Variants in LEF1 observed in about 807,000 individuals in gnomAD.
LEF1 encodes lymphoid enhancer binding factor 1, also known as lymphoid enhancer-binding factor 1.
In LEF1, 14 loss-of-function variants were observed where a neutral mutation model predicts 51.2. The ratio of observed to expected loss-of-function variants is 0.27; its 90% CI spans 0.18 to 0.43. The LOEUF (loss-of-function observed/expected upper bound fraction) is 0.43. LEF1 is among the 20% of genes least tolerant of loss of function. The probability of loss-of-function intolerance (pLI) is 1.00; values close to 1 mark genes in which losing one functional copy is unlikely to be tolerated. For synonymous variants in LEF1, 185 were observed against 183.2 expected (o/e 1.01, Z -0.08); for missense variants, 386 against 512.0 (o/e 0.75, Z 2.37).
At chr4:108,055,902 C>A (rs1737275773) in intron 11 of LEF1, among the ~76,000 whole-genome samples, 1 of 152,206 alleles carries the variant, frequency 6.6e-6, no homozygotes, top group African/African-American at 2.4e-5. Flanking sequence ...ATGAACCCAA[C>A]CCAATTTCTT....
At chr4:108,128,133 G>A (rs1742660864) in intron 3 of LEF1, among the ~76,000 whole-genome samples, 1 of 152,114 alleles carries the variant, frequency 6.6e-6, no homozygotes, top group Non-Finnish European at 1.5e-5. Context: ...CCATTCTCAG[G>A]AGAGAATGGC....
In LEF1 at chr4:108,093,987, G is replaced by A. The variant is rs933985555; in HGVS notation, c.415-4730C>T. Among the ~76,000 whole-genome samples the A allele has an allele frequency of 1.7e-4, 26 of 152,238 alleles. 1 individual carries two copies. The highest frequency in any genetic ancestry group is 5.2e-4 in the Admixed American group (8 of 15,288). On this transcript the variant is annotated intron_variant, in intron 3 of 11. Coordinates refer to ENST00000265165, the MANE Select transcript of LEF1 (RefSeq NM_016269.5). ...TTATTATCCCCCTTTTACAGATGAG[G>A]AAACAGGCATGGAGAAGAAAATATT... is the stretch of plus-strand genomic sequence containing the variant.
chr4:108,099,532 A>ATG (rs1348927211), intron 3 of LEF1, among the ~76,000 whole-genome samples: 1 of 88,666 alleles, frequency 1.1e-5, no homozygotes, highest in Non-Finnish European at 2.4e-5. Flanking sequence ...ATATATATAT[A>ATG]TATGTGTATA....
Position 108,070,693 on chromosome 4 carries a change from A to C in LEF1, c.1086T>G (p.Leu362=). ...TGTCTCTTGCAGACCAGCCTGGATA[A>C]AGCTGCATATGTAGCTGTCTTTCTT... is the stretch of plus-strand genomic sequence containing the variant. ...ARKERQLHMQ[L]YPGWSARDNY... The change falls in exon 9 of 12, where the codon CTT becomes CTG. Residue 362 remains leucine (L), a synonymous_variant. Transcript: ENST00000265165. The C allele has an allele frequency of 6.2e-7, 1 of 1,613,894 alleles. No individual in the cohort carries two copies. The highest frequency in any genetic ancestry group is 2.2e-5 in the East Asian group (1 of 44,874).
chr4:108,090,797 T>C (rs528050321), intron 3 of LEF1, among the ~76,000 whole-genome samples: 3 of 152,288 alleles, frequency 2.0e-5, no homozygotes, highest in Admixed American at 6.5e-5. Flanking sequence ...ATTCCTTCTA[T>C]CTAACCGTAT....
chr4:108,073,363 T>A (rs1738622882), intron 8 of LEF1, among the ~76,000 whole-genome samples: 1 of 152,068 alleles, frequency 6.6e-6, no homozygotes, highest in Admixed American at 6.5e-5. Flanking sequence ...CCAGCCTGGG[T>A]GATAGAGCAA....
intron 3 of LEF1, among the ~76,000 whole-genome samples, chr4:108,149,038 G>A (rs187247111): frequency 6.6e-6 from 1 of 152,294 alleles, no homozygotes; most frequent in East Asian, 1.9e-4. Flanking sequence ...TAAAGAAACA[G>A]ATACATGATG....
At chr4:108,148,380 T>C (rs1299506151) in intron 3 of LEF1, among the ~76,000 whole-genome samples, 1 of 152,036 alleles carries the variant, frequency 6.6e-6, no homozygotes, top group East Asian at 1.9e-4. Context: ...ATGCTTCAAA[T>C]GGGCCACATG....
At position 108,064,653 on chromosome 4, in the gene LEF1, A is replaced by T. The variant is rs111893864; in HGVS notation, c.1117-269T>A. Among the ~76,000 whole-genome samples the T allele has an allele frequency of 9.9e-4, 96 of 97,302 alleles. 1 individual carries two copies. Among genetic ancestry groups the T allele is most frequent in the Admixed American group, 7.0e-3 (57 of 8,172 alleles). The allele number at this position is 97,302 out of a possible 152,430, so 63.8% of individuals were successfully genotyped here. ...CACTTTGTCTCTCTCTCTCTCTCTC[A>T]CTCACACACACACACACACACACAC... On this transcript the variant is annotated intron_variant, in intron 9 of 11. Transcript: ENST00000265165.
At chr4:108,066,935 T>C (rs533274935) in intron 9 of LEF1, among the ~76,000 whole-genome samples, 2 of 152,330 alleles carry the variant, frequency 1.3e-5, no homozygotes, top group East Asian at 3.9e-4. Context: ...TGTCATGTAA[T>C]AGGGTATTTT....
rs1235311685 is a variant in LEF1 at position 108,168,481 on chromosome 4, G to C, written c.-714C>G. 1 of 152,298 alleles carries C rather than the reference G, an allele frequency of 6.6e-6. No individual in the cohort carries two copies. The highest frequency in any genetic ancestry group is 2.4e-5 in the African/African-American group (1 of 41,452). 9.4% of individuals were successfully genotyped at this position (152,298 alleles called of 1,614,324 possible). On this transcript the variant is annotated 5_prime_UTR_variant, in exon 1 of 12. Transcript: ENST00000265165. This position sits in a 1 kb window ranked among gnomAD's most constrained non-coding sequence, Gnocchi z 4.6. ...CTCGAGGCTCATTTAATCTGCTAGA[G>C]AAGGAGGAGGAGCAGAAGATGGGGG...
At chr4:108,159,316 C>T (rs888302888) in intron 3 of LEF1, among the ~76,000 whole-genome samples, 1 of 152,170 alleles carries the variant, frequency 6.6e-6, no homozygotes, top group Non-Finnish European at 1.5e-5. Context: ...TCTATATATA[C>T]ATTTGAGTTA....
intron 9 of LEF1, 123 bp downstream of exon 9, chr4:108,070,540 T>C: frequency 1.8e-6 from 1 of 569,998 alleles, no homozygotes. Flanking sequence ...TATTACAAAG[T>C]TCATTAACTT....
Position 108,141,309 on chromosome 4 carries a change from A to G in LEF1, c.414+22259T>C, listed in dbSNP as rs114020557. On this transcript the variant is annotated intron_variant, in intron 3 of 11. Transcript: ENST00000265165. ...TGCTGAAATATGGTTACATATGCAA[A>G]CATTATCTCCCAATTGTAACCTCAT... 2.2e-3 allele frequency among the ~76,000 whole-genome samples: 329 copies of G among 152,264 alleles called. 1 individual carries two copies. Among genetic ancestry groups the G allele is most frequent in the African/African-American group, 7.7e-3 (320 of 41,544 alleles).
At chr4:108,085,021 A>C (rs1328475187) in intron 4 of LEF1, among the ~76,000 whole-genome samples, 1 of 152,220 alleles carries the variant, frequency 6.6e-6, no homozygotes, top group Non-Finnish European at 1.5e-5. Flanking sequence ...TGAAAATTTC[A>C]ATGTTTTATT....
At chr4:108,129,758 AG>A in intron 3 of LEF1, among the ~76,000 whole-genome samples, 1 of 152,234 alleles carries the variant, frequency 6.6e-6, no homozygotes, top group Non-Finnish European at 1.5e-5. Flanking sequence ...TGTTGAATAA[AG>A]TTAGAAACAT....
chr4:108,079,636 A>C (rs1308815572), intron 6 of LEF1, 22 bp from the exon 7 acceptor site: 1 of 1,613,852 alleles, frequency 6.2e-7, no homozygotes, highest in South Asian at 1.1e-5. Context: ...AAAGAGAAGA[A>C]AACAATGTAC....
At chr4:108,150,316 C>G (rs1258973903) in intron 3 of LEF1, among the ~76,000 whole-genome samples, 2 of 152,132 alleles carry the variant, frequency 1.3e-5, no homozygotes, top group African/African-American at 2.4e-5. Flanking sequence ...GGTCATACAG[C>G]TATTTGATTA....
At chr4:108,163,287 T>C (rs555312432) in intron 3 of LEF1, among the ~76,000 whole-genome samples, 3 of 152,218 alleles carry the variant, frequency 2.0e-5, no homozygotes, top group African/African-American at 7.2e-5. Context: ...ACAATACTCA[T>C]AAAATCAGGG....
Sources: allele counts gnomAD v4.1 joint callset (sites outside exome capture counted in the v4.1 genomes callset), GRCh38; gene constraint gnomAD v4.1.1; non-coding constraint Gnocchi (gnomAD v3.1); transcripts MANE v1.5; gene names NCBI Gene and HGNC (gene_info 2026-07-23, HGNC 2026-07-21).